Variants in TENM3 observed in about 807,000 individuals in gnomAD.
TENM3 encodes teneurin transmembrane protein 3, also known as teneurin-3.
A neutral mutation model predicts 255.1 loss-of-function variants in TENM3; 63 were observed. The observed-to-expected ratio is 0.25, with a 90% CI of 0.20 to 0.30. The LOEUF is 0.30. Ranked by LOEUF, TENM3 falls within the 10% of genes least tolerant of loss-of-function variation. TENM3 has a pLI of 1.00. For synonymous variants in TENM3, 1,306 were observed against 1,322.3 expected (o/e 0.99, Z 0.27); for missense variants, 2,929 against 3,461.1 (o/e 0.85, Z 3.86).
chr4:182,455,669 C>T (rs536495474), intron 3 of TENM3, among the ~76,000 whole-genome samples: 2 of 148,790 alleles, frequency 1.3e-5, no homozygotes, highest in Admixed American at 1.4e-4. Context: ...TCAAGCGATT[C>T]TCCTGCCTCA....
At chr4:181,451,686 ACT>A in the TENM3 span, among the ~76,000 whole-genome samples, 1 of 151,964 alleles carries the variant, frequency 6.6e-6, no homozygotes, top group Admixed American at 6.5e-5. Context: ...GCCAACAATG[ACT>A]CTCATATTTT....
At chr4:181,665,560 C>T in the TENM3 span, among the ~76,000 whole-genome samples, 8 of 151,938 alleles carry the variant, frequency 5.3e-5, no homozygotes, top group South Asian at 2.1e-4. Flanking sequence ...TTCATACATA[C>T]GGTGTGTGTA....
intron 1 of TENM3, among the ~76,000 whole-genome samples, chr4:182,160,643 A>G (rs1041636313): frequency 2.6e-5 from 4 of 152,210 alleles, no homozygotes; most frequent in Non-Finnish European, 5.9e-5. Context: ...AAAAGTCGAA[A>G]TCATGGAAGA....
At chr4:182,495,708 A>T (rs1490333159) in intron 3 of TENM3, among the ~76,000 whole-genome samples, 1 of 152,166 alleles carries the variant, frequency 6.6e-6, no homozygotes, top group African/African-American at 2.4e-5. Flanking sequence ...TTTTCGTTTT[A>T]TGTGTATTGG....
At chr4:182,153,373 T>A (rs778156061) in intron 1 of TENM3, among the ~76,000 whole-genome samples, 2 of 152,084 alleles carry the variant, frequency 1.3e-5, no homozygotes, top group Non-Finnish European at 2.9e-5. Flanking sequence ...AGTCATACAG[T>A]GTGCATGAAT....
chr4:181,696,245 G>T, the TENM3 span, among the ~76,000 whole-genome samples: 4 of 152,034 alleles, frequency 2.6e-5, no homozygotes, highest in East Asian at 3.9e-4. Context: ...TAATGATACC[G>T]TATGTTGCCA....
At chr4:181,891,622 A>G in the TENM3 span, among the ~76,000 whole-genome samples, 1 of 152,126 alleles carries the variant, frequency 6.6e-6, no homozygotes, top group African/African-American at 2.4e-5. Context: ...TAGATTGCTC[A>G]TCCACTCTTG....
chr4:181,967,789 A>G, the TENM3 span, among the ~76,000 whole-genome samples: 70 of 152,190 alleles, frequency 4.6e-4, no homozygotes, highest in Admixed American at 1.6e-3. Flanking sequence ...TGGTTCTCCC[A>G]ACTCAGAGCC....
chr4:181,807,396 C>T, the TENM3 span, among the ~76,000 whole-genome samples: 2 of 152,210 alleles, frequency 1.3e-5, no homozygotes, highest in Non-Finnish European at 2.9e-5. Flanking sequence ...TCTTGTCGCC[C>T]AGGCTGGAGT....
intron 3 of TENM3, among the ~76,000 whole-genome samples, chr4:182,395,965 T>A (rs1293654343): frequency 6.6e-6 from 1 of 152,258 alleles, no homozygotes; most frequent in Non-Finnish European, 1.5e-5. Context: ...TTTTTAATAA[T>A]TATAATGATT....
chr4:182,483,592 A>G (rs1399281751), intron 3 of TENM3, among the ~76,000 whole-genome samples: 2 of 152,230 alleles, frequency 1.3e-5, no homozygotes, highest in African/African-American at 4.8e-5. Context: ...AGGTATGTCT[A>G]GGAAGGTATA....
the TENM3 span, among the ~76,000 whole-genome samples, chr4:181,662,647 G>A: frequency 6.6e-6 from 1 of 152,134 alleles, no homozygotes; most frequent in Non-Finnish European, 1.5e-5. Context: ...TTAGTATTAT[G>A]AAGACACAAA....
intron 3 of TENM3, among the ~76,000 whole-genome samples, chr4:182,438,338 T>G (rs1772202177): frequency 6.6e-6 from 1 of 152,234 alleles, no homozygotes; most frequent in South Asian, 2.1e-4. Flanking sequence ...GTCTAAAGCT[T>G]AAAGATATCT....
chr4:181,668,732 T>C, the TENM3 span, among the ~76,000 whole-genome samples: 3 of 152,130 alleles, frequency 2.0e-5, no homozygotes, highest in Admixed American at 1.3e-4. Flanking sequence ...GGGTTAGAAC[T>C]TCAACATATA....
chr4:181,926,208 T>G, the TENM3 span, among the ~76,000 whole-genome samples: 1 of 152,310 alleles, frequency 6.6e-6, no homozygotes, highest in Admixed American at 6.5e-5. Flanking sequence ...TCCAGAAAGC[T>G]TCCATAAATG....
chr4:181,770,611 C>A, the TENM3 span, among the ~76,000 whole-genome samples: 1 of 141,454 alleles, frequency 7.1e-6, no homozygotes, highest in Admixed American at 7.8e-5. Context: ...GGAGGTGGAG[C>A]TTTCAGTGAG....
the TENM3 span, among the ~76,000 whole-genome samples, chr4:181,554,205 G>T: frequency 6.6e-6 from 1 of 152,298 alleles, no homozygotes; most frequent in South Asian, 2.1e-4. Flanking sequence ...GTAATTACTA[G>T]AATAGAGTGA....
At position 182,752,587 on chromosome 4, in the gene TENM3, A is replaced by G. The variant is rs374346126; in HGVS notation, c.3862+555A>G. 3.1e-3 allele frequency among the ~76,000 whole-genome samples: 465 copies of G among 152,302 alleles called. 5 individuals carry two copies. Among genetic ancestry groups the G allele is most frequent in the African/African-American group, 0.01 (419 of 41,564 alleles). Reference sequence around the variant, plus strand: ...ACCAGGCAGGAATGATTCCCTGCTCATGTATTATGGCACTGAATACAATGT... The same window carrying G: ...ACCAGGCAGGAATGATTCCCTGCTCGTGTATTATGGCACTGAATACAATGT... On this transcript the variant is annotated intron_variant, in intron 20 of 27. Transcript: ENST00000511685.
At chr4:182,005,439 G>T in the TENM3 span, among the ~76,000 whole-genome samples, 12 of 152,138 alleles carry the variant, frequency 7.9e-5, no homozygotes, top group African/African-American at 2.2e-4. Context: ...TGTCTGTTTT[G>T]GTACCAGTAC....
Sources: allele counts gnomAD v4.1 joint callset (sites outside exome capture counted in the v4.1 genomes callset), GRCh38; gene constraint gnomAD v4.1.1; transcripts MANE v1.5; gene names NCBI Gene and HGNC (gene_info 2026-07-23, HGNC 2026-07-21).